The following GPM6A variants were observed in gnomAD, a reference collection of about 807,000 sequenced individuals.
GPM6A encodes neuronal membrane glycoprotein M6-a.
In GPM6A, 7 loss-of-function variants were observed where a neutral mutation model predicts 32.1. That is an observed-to-expected ratio of 0.22 (90% CI 0.12 to 0.41). The LOEUF is 0.41. Among genes scored for constraint, GPM6A ranks in the 10% least tolerant of loss-of-function variants. The pLI is 1.00. For synonymous variants in GPM6A, 130 were observed against 123.4 expected (o/e 1.05, Z -0.35); for missense variants, 235 against 347.2 (o/e 0.68, Z 2.57).
upstream of GPM6A, among the ~76,000 whole-genome samples, chr4:175,816,345 T>G (rs1735099691): frequency 6.6e-6 from 1 of 152,222 alleles, no homozygotes; most frequent in African/African-American, 2.4e-5. Flanking sequence ...CCAAAACCAT[T>G]ATAATTCTCT....
intron 1 of GPM6A, chr4:175,891,462 C>G (rs1244365368): frequency 6.6e-6 from 1 of 152,194 alleles, no homozygotes; most frequent in Non-Finnish European, 1.5e-5. Context: ...CCCAGACTTA[C>G]CTAATGCAAG....
chr4:175,694,582 C>T (rs1029756202), intron 2 of GPM6A, among the ~76,000 whole-genome samples: 1 of 152,046 alleles, frequency 6.6e-6, no homozygotes, highest in African/African-American at 2.4e-5. Flanking sequence ...CAAGATGTGA[C>T]CTGGCTGTTT....
intron 1 of GPM6A, among the ~76,000 whole-genome samples, chr4:175,895,152 C>T (rs1001329852): frequency 1.3e-5 from 2 of 152,082 alleles, no homozygotes; most frequent in African/African-American, 4.8e-5. Context: ...AGAATGAAAT[C>T]ATCTTGTGAT....
intron 1 of GPM6A, among the ~76,000 whole-genome samples, chr4:175,805,356 T>G: frequency 6.6e-6 from 1 of 152,210 alleles, no homozygotes; most frequent in South Asian, 2.1e-4. Flanking sequence ...CATAAAAATG[T>G]AGAAAATAGT....
chr4:175,841,156 G>T (rs1365292359), intron 1 of GPM6A, among the ~76,000 whole-genome samples: 3 of 152,112 alleles, frequency 2.0e-5, no homozygotes, highest in Admixed American at 6.5e-5. Context: ...GTAGGCCAAG[G>T]TTGCATTTAG....
intron 1 of GPM6A, among the ~76,000 whole-genome samples, chr4:175,971,371 C>T (rs1325075955): frequency 6.6e-6 from 1 of 151,888 alleles, no homozygotes; most frequent in Non-Finnish European, 1.5e-5. Context: ...TATTTATTTT[C>T]ACAGCTGCAA....
chr4:175,741,910 T>A (rs571038479), intron 1 of GPM6A, among the ~76,000 whole-genome samples: 3 of 152,118 alleles, frequency 2.0e-5, no homozygotes, highest in Non-Finnish European at 4.4e-5. Flanking sequence ...TAATGACAGA[T>A]CTTGCAATCA....
chr4:175,836,943 T>G (rs917248929), intron 1 of GPM6A, among the ~76,000 whole-genome samples: 2 of 152,178 alleles, frequency 1.3e-5, no homozygotes, highest in African/African-American at 4.8e-5. Context: ...CCACAGAACA[T>G]GTAAATATAT....
chr4:175,905,635 A>G (rs903763133), intron 1 of GPM6A, among the ~76,000 whole-genome samples: 23 of 152,158 alleles, frequency 1.5e-4, no homozygotes, highest in African/African-American at 5.3e-4. Context: ...TTCAATGTTT[A>G]CTGTTTCTCA....
chr4:175,813,284 G>T (rs541619432), upstream of GPM6A, among the ~76,000 whole-genome samples: 4 of 152,142 alleles, frequency 2.6e-5, no homozygotes, highest in Admixed American at 6.5e-5. Flanking sequence ...ATTTATAATG[G>T]GAATCTGCAA....
intron 1 of GPM6A, among the ~76,000 whole-genome samples, chr4:175,822,159 C>T (rs1352713032): frequency 1.3e-5 from 2 of 152,052 alleles, no homozygotes; most frequent in Non-Finnish European, 2.9e-5. Flanking sequence ...GATGATTATA[C>T]AAATTGCATC....
At chr4:175,958,462 G>T (rs1321836078) in intron 1 of GPM6A, among the ~76,000 whole-genome samples, 1 of 152,146 alleles carries the variant, frequency 6.6e-6, no homozygotes, top group South Asian at 2.1e-4. Context: ...CTACCCTTGA[G>T]AACCATAAAG....
chr4:175,770,696 G>C (rs962680107), intron 1 of GPM6A, among the ~76,000 whole-genome samples: 9 of 152,126 alleles, frequency 5.9e-5, no homozygotes, highest in African/African-American at 2.2e-4. Context: ...ATCCCTGCCA[G>C]CCCTGATCTT....
At chr4:175,766,967 T>C (rs1702293008) in intron 1 of GPM6A, among the ~76,000 whole-genome samples, 1 of 152,094 alleles carries the variant, frequency 6.6e-6, no homozygotes, top group African/African-American at 2.4e-5. Flanking sequence ...CACTTACTCT[T>C]TACCTCTGAG....
chr4:175,701,872 C>A, intron 1 of GPM6A, 105 bp from the exon 2 acceptor site: 1 of 703,532 alleles, frequency 1.4e-6, no homozygotes, highest in Non-Finnish European at 2.4e-6. Context: ...CTGACAATAC[C>A]AGGTCAACCA....
chr4:175,737,343 T>C (rs1267565945), intron 1 of GPM6A, among the ~76,000 whole-genome samples: 3 of 152,026 alleles, frequency 2.0e-5, no homozygotes, highest in Non-Finnish European at 4.4e-5. Flanking sequence ...CCCGTAATCC[T>C]GCACGCCTGT....
intron 3 of GPM6A, 64 bp from the exon 4 acceptor site, chr4:175,652,051 T>A: frequency 7.7e-7 from 1 of 1,294,204 alleles, no homozygotes; most frequent in Non-Finnish European, 1.1e-6. Flanking sequence ...ATTTTGTGTT[T>A]AATCTGCAAA....
chr4:175,809,790 T>A (rs954626898), intron 1 of GPM6A, among the ~76,000 whole-genome samples: 1 of 152,234 alleles, frequency 6.6e-6, no homozygotes, highest in African/African-American at 2.4e-5. Context: ...TCTTTTTAAA[T>A]GCTTAAACAC....
rs1201844734 is a variant in GPM6A at position 175,637,251 on chromosome 4, TAATATAA to T, written c.685-2201_685-2195del. 7.2e-3 allele frequency among the ~76,000 whole-genome samples: 487 copies of T among 67,848 alleles called. 6 individuals are homozygous for T. The highest frequency in any genetic ancestry group is 0.012 in the Middle Eastern group (1 of 84). The allele number at this position is 67,848 out of a possible 152,430, so 44.5% of individuals were successfully genotyped here. A position where few individuals can be genotyped will look rare whatever the true frequency, so the allele number is the denominator to read the frequency against. ...TAAAATATATATTATATATTATATA[TAATATAA>T]AATATATATTATATATTATATATTA... On this transcript the variant is annotated intron_variant, in intron 6 of 6. Transcript: ENST00000393658.
Sources: allele counts gnomAD v4.1 joint callset (sites outside exome capture counted in the v4.1 genomes callset), GRCh38; gene constraint gnomAD v4.1.1; transcripts MANE v1.5; gene names NCBI Gene and HGNC (gene_info 2026-07-23, HGNC 2026-07-21).